The following CYP2C18 variants were observed in gnomAD, a reference collection of about 807,000 sequenced individuals.
CYP2C18 encodes the protein cytochrome P450 2C18.
CYP2C18 carries 38 observed loss-of-function variants against 41.3 expected under a neutral mutation model. That is an observed-to-expected ratio of 0.92 (90% confidence interval 0.71 to 1.21). CYP2C18 has a LOEUF of 1.21. Ranked by LOEUF, CYP2C18 falls within the 50% of genes most tolerant of loss-of-function variation. CYP2C18 has a pLI of 0.00. For missense variants in CYP2C18, 635 were observed against 591.4 expected (o/e 1.07, Z -0.77); for synonymous variants, 236 against 210.0 (o/e 1.12, Z -1.07).
rs1324372049 is a variant in CYP2C18 at position 94,691,833 on chromosome 10, C to T, written c.482-3084C>T. 2.0e-5 allele frequency among the ~76,000 whole-genome samples: 3 copies of T among 152,146 alleles called. No individual in the cohort carries two copies. The East Asian group carries it at 5.8e-4, about 29-fold the overall frequency. ...ACTGGTACCAAAACAGAGATATAGACCAATGGAACAGAACAGAGCCCTCAG... is the reference window on the plus strand; with the variant it reads ...ACTGGTACCAAAACAGAGATATAGATCAATGGAACAGAACAGAGCCCTCAG... On this transcript the variant is annotated intron_variant, in intron 3 of 8. Coordinates refer to ENST00000285979, the MANE Select transcript of CYP2C18 (RefSeq NM_000772.3).
At position 94,684,427 on chromosome 10, in the gene CYP2C18, A is replaced by G. The variant is rs116946966; in HGVS notation, c.168+440A>G. Among the ~76,000 whole-genome samples, 451 of 152,282 alleles carry G rather than the reference A, an allele frequency of 3.0e-3. 5 individuals carry two copies. In the Middle Eastern group the frequency reaches 0.048, roughly 16 times the overall value. On this transcript the variant is annotated intron_variant, in intron 1 of 8. Transcript: ENST00000285979. The stretch of plus-strand genomic sequence containing the variant: ...TCTGAGTTTAACTTTTTAAGATTCC[A>G]CATAGAAGTGAGATCATATATGATA...
At chr10:94,697,374 C>T (rs1847137442) in intron 4 of CYP2C18, among the ~76,000 whole-genome samples, 1 of 152,106 alleles carries the variant, frequency 6.6e-6, no homozygotes, top group Non-Finnish European at 1.5e-5. Flanking sequence ...CATATCCAGC[C>T]AAACTAAGCT....
chr10:94,688,281 G>A lies in CYP2C18; in HGVS notation c.481+7G>A. ...GAGTTGAGAAAAACCAATGGTGGGTGACTTTTTTTTTTCCTGAAAAATGTT... is the reference window on the plus strand; with the variant it reads ...GAGTTGAGAAAAACCAATGGTGGGTAACTTTTTTTTTTCCTGAAAAATGTT... On this transcript the variant is annotated splice_region_variant and intron_variant, in intron 3 of 8. Transcript: ENST00000285979. 17 of 1,585,874 alleles carry A rather than the reference G, an allele frequency of 1.1e-5. No homozygotes were observed. The highest frequency in any genetic ancestry group is 1.5e-5 in the Non-Finnish European group (17 of 1,171,686).
At chr10:94,722,892 G>T (rs1407389820) in intron 6 of CYP2C18, among the ~76,000 whole-genome samples, 2 of 152,086 alleles carry the variant, frequency 1.3e-5, no homozygotes, top group Admixed American at 1.3e-4. Flanking sequence ...CAGAGGACAA[G>T]TAGCACCAGT....
intron 5 of CYP2C18, among the ~76,000 whole-genome samples, chr10:94,709,594 T>C (rs1589800139): frequency 6.6e-6 from 1 of 152,188 alleles, no homozygotes; most frequent in East Asian, 1.9e-4. Flanking sequence ...ATACAAGTTT[T>C]TAGTTTTTGT....
At chr10:94,719,299 G>A (rs1317327388) in intron 5 of CYP2C18, among the ~76,000 whole-genome samples, 1 of 152,102 alleles carries the variant, frequency 6.6e-6, no homozygotes, top group Non-Finnish European at 1.5e-5. Context: ...TTCACATACA[G>A]GGTGTCATGT....
intron 5 of CYP2C18, among the ~76,000 whole-genome samples, chr10:94,717,209 T>C (rs60231225): frequency 0.022 from 3,289 of 152,306 alleles, 118 homozygotes; most frequent in African/African-American, 0.074. Flanking sequence ...TATGTGTGAA[T>C]TTCATCCTGT....
chr10:94,733,768 A>C (rs1340753455), intron 8 of CYP2C18: 1 of 206,480 alleles, frequency 4.8e-6, no homozygotes, highest in Non-Finnish European at 8.5e-6. Flanking sequence ...TGCCATGAGA[A>C]AAGTATCTAA....
chr10:94,714,113 C>T (rs1375524574), intron 5 of CYP2C18, among the ~76,000 whole-genome samples: 1 of 152,068 alleles, frequency 6.6e-6, no homozygotes, highest in African/African-American at 2.4e-5. Context: ...AAAATTTTCT[C>T]TCATTCTTTA....
At chr10:94,708,544 T>C (rs1237747399) in intron 5 of CYP2C18, among the ~76,000 whole-genome samples, 18 of 152,220 alleles carry the variant, frequency 1.2e-4, no homozygotes, top group Admixed American at 1.2e-3. Flanking sequence ...GACCTCACTA[T>C]AATATTTAGA....
At chr10:94,714,020 T>C (rs1350921833) in intron 5 of CYP2C18, among the ~76,000 whole-genome samples, 2 of 152,148 alleles carry the variant, frequency 1.3e-5, no homozygotes, top group Non-Finnish European at 2.9e-5. Context: ...CACTTTGTGA[T>C]GGGGTTGTTT....
intron 4 of CYP2C18, among the ~76,000 whole-genome samples, chr10:94,704,157 CTG>C (rs1028104101): frequency 1.3e-5 from 2 of 152,176 alleles, no homozygotes; most frequent in Admixed American, 6.5e-5. Flanking sequence ...GAACCACAGA[CTG>C]GAGCTGTTCT....
At chr10:94,722,278 G>C (rs1419007386) in intron 6 of CYP2C18, among the ~76,000 whole-genome samples, 2 of 151,812 alleles carry the variant, frequency 1.3e-5, no homozygotes, top group Admixed American at 1.3e-4. Context: ...TTTTTCTTAG[G>C]GTCAATAGTT....
rs1846830978 is a variant in CYP2C18, at chr10:94,683,823, G to A, written c.4G>A (p.Asp2Asn). The change falls in exon 1 of 9, where the codon GAT (aspartate) becomes AAT (asparagine). Residue 2 changes from aspartate (D) to asparagine (N), a missense_variant. By Grantham distance (23) the Asp-to-Asn change is conservative. Coordinates refer to ENST00000285979, the MANE Select transcript of CYP2C18 (RefSeq NM_000772.3). M[D>N]PAVALVLCLS... The stretch of plus-strand genomic sequence containing the variant: ...TTACTAAGAAGAGAAGCCTTCAATG[G>A]ATCCAGCTGTGGCTCTGGTGCTCTG... The A allele has an allele frequency of 6.3e-7, 1 of 1,594,624 alleles. No individual in the cohort carries two copies. The highest frequency in any genetic ancestry group is 2.2e-5 in the East Asian group (1 of 44,468).
At chr10:94,694,542 C>T (rs925279881) in intron 3 of CYP2C18, among the ~76,000 whole-genome samples, 1 of 152,276 alleles carries the variant, frequency 6.6e-6, no homozygotes, top group South Asian at 2.1e-4. Context: ...AATCAATTGT[C>T]TACAAGCTTT....
intron 3 of CYP2C18, among the ~76,000 whole-genome samples, chr10:94,693,501 A>G (rs1169498791): frequency 4.6e-5 from 7 of 152,148 alleles, no homozygotes; most frequent in Non-Finnish European, 1.0e-4. Flanking sequence ...AGCCTAATAT[A>G]CTTCCCCACA....
intron 4 of CYP2C18, among the ~76,000 whole-genome samples, chr10:94,704,686 T>C (rs1364065207): frequency 6.6e-6 from 1 of 152,148 alleles, no homozygotes; most frequent in Non-Finnish European, 1.5e-5. Flanking sequence ...CAGGATCTTC[T>C]CACATTTTTC....
intron 8 of CYP2C18, chr10:94,733,764 G>A: frequency 4.7e-6 from 1 of 213,388 alleles, no homozygotes; most frequent in Non-Finnish European, 8.1e-6. Flanking sequence ...CATCTGCCAT[G>A]AGAAAAGTAT....
intron 6 of CYP2C18, among the ~76,000 whole-genome samples, chr10:94,721,905 T>G (rs1847652519): frequency 9.4e-6 from 1 of 106,690 alleles, no homozygotes; most frequent in African/African-American, 3.3e-5. Flanking sequence ...TCCATTCATC[T>G]GTTGATGGAT....
Sources: allele counts gnomAD v4.1 joint callset (sites outside exome capture counted in the v4.1 genomes callset), GRCh38; gene constraint gnomAD v4.1.1; transcripts MANE v1.5; gene names NCBI Gene and HGNC (gene_info 2026-07-23, HGNC 2026-07-21).